The following CSTPP1 variants were observed in gnomAD, a reference collection of about 807,000 sequenced individuals.
CSTPP1 encodes the protein centriolar satellite-associated tubulin polyglutamylase complex regulator 1.
chr11:47,152,201 T>C, the CSTPP1 span, among the ~76,000 whole-genome samples: 1 of 151,232 alleles, frequency 6.6e-6, no homozygotes. Context: ...AGTGAGCCGA[T>C]CTGCACCACT....
chr11:47,113,655 G>T, the CSTPP1 span, among the ~76,000 whole-genome samples: 1 of 152,190 alleles, frequency 6.6e-6, no homozygotes, highest in Non-Finnish European at 1.5e-5. Context: ...CTTCTTTTGA[G>T]AAGTGTCTGT....
the CSTPP1 span, among the ~76,000 whole-genome samples, chr11:47,090,855 C>T: frequency 2.1e-4 from 31 of 151,206 alleles, no homozygotes; most frequent in South Asian, 4.2e-4. Flanking sequence ...CTGGCTAACA[C>T]GGTGAAACCC....
the CSTPP1 span, among the ~76,000 whole-genome samples, chr11:46,942,341 T>C: frequency 6.6e-6 from 1 of 152,144 alleles, no homozygotes; most frequent in African/African-American, 2.4e-5. Context: ...GTGTATCTGG[T>C]TGGGTGTGGC....
chr11:47,113,163 C>T, the CSTPP1 span, among the ~76,000 whole-genome samples: 1 of 152,316 alleles, frequency 6.6e-6, no homozygotes, highest in East Asian at 1.9e-4. Context: ...CTGCAAAGGA[C>T]ATGAACTCAT....
At chr11:46,955,999 C>A in the CSTPP1 span, among the ~76,000 whole-genome samples, 40 of 112,108 alleles carry the variant, frequency 3.6e-4, no homozygotes, top group South Asian at 1.5e-3. Flanking sequence ...CCCCCCCCCC[C>A]ACCAAAAAAA....
chr11:46,970,087 G>A, the CSTPP1 span, among the ~76,000 whole-genome samples: 16 of 152,094 alleles, frequency 1.1e-4, no homozygotes, highest in Admixed American at 5.2e-4. Context: ...ATATAAAACA[G>A]GCACAATTTA....
the CSTPP1 span, among the ~76,000 whole-genome samples, chr11:47,093,339 G>A: frequency 3.4e-4 from 52 of 152,268 alleles, no homozygotes; most frequent in African/African-American, 1.3e-3. Flanking sequence ...TGCTAAATTA[G>A]CTTTAGACTT....
the CSTPP1 span, among the ~76,000 whole-genome samples, chr11:47,149,529 G>T: frequency 6.6e-6 from 1 of 152,178 alleles, no homozygotes; most frequent in African/African-American, 2.4e-5. Flanking sequence ...GCAGGCAAAG[G>T]CAAAGAGGCA....
the CSTPP1 span, among the ~76,000 whole-genome samples, chr11:47,127,945 T>C: frequency 1.3e-3 from 195 of 152,148 alleles, no homozygotes; most frequent in Non-Finnish European, 1.9e-3. Flanking sequence ...GGTGTGATCT[T>C]GGCTCACTGC....
the CSTPP1 span, among the ~76,000 whole-genome samples, chr11:47,087,569 C>T: frequency 6.6e-6 from 1 of 152,026 alleles, no homozygotes; most frequent in Admixed American, 6.6e-5. Flanking sequence ...CATGGTGGTG[C>T]GGGCCTGTAA....
the CSTPP1 span, among the ~76,000 whole-genome samples, chr11:47,091,916 C>T: frequency 6.6e-6 from 1 of 152,168 alleles, no homozygotes; most frequent in Admixed American, 6.5e-5. Context: ...TGATTTTAGT[C>T]CCATAAGACT....
chr11:47,111,358 G>C, the CSTPP1 span, among the ~76,000 whole-genome samples: 4 of 152,084 alleles, frequency 2.6e-5, no homozygotes, highest in African/African-American at 9.7e-5. Flanking sequence ...GTTTTTCCCC[G>C]CTACGAGTGC....
the CSTPP1 span, among the ~76,000 whole-genome samples, chr11:47,109,513 C>T: frequency 6.6e-6 from 1 of 152,200 alleles, no homozygotes; most frequent in Non-Finnish European, 1.5e-5. Flanking sequence ...GGGTCAGATG[C>T]TTTGGATAAT....
At chr11:47,006,452 T>G in the CSTPP1 span, among the ~76,000 whole-genome samples, 2 of 152,212 alleles carry the variant, frequency 1.3e-5, no homozygotes, top group African/African-American at 4.8e-5. Context: ...CTAGTTTTGC[T>G]TTTCTTTATA....
chr11:46,938,308 A>G, the CSTPP1 span, among the ~76,000 whole-genome samples: 2 of 148,412 alleles, frequency 1.3e-5, no homozygotes, highest in African/African-American at 4.9e-5. Context: ...ATGGATAAAC[A>G]TATATATTTA....
At chr11:47,072,089 T>C in the CSTPP1 span, among the ~76,000 whole-genome samples, 2 of 152,330 alleles carry the variant, frequency 1.3e-5, no homozygotes, top group East Asian at 3.9e-4. Context: ...TCCTGGGAAG[T>C]CACTTCAAGA....
the CSTPP1 span, among the ~76,000 whole-genome samples, chr11:47,162,949 G>A: frequency 6.6e-6 from 1 of 152,160 alleles, no homozygotes; most frequent in African/African-American, 2.4e-5. Context: ...GGAGGCCAAG[G>A]TGGGCCAACT....
At chr11:46,941,877 TC>T in the CSTPP1 span, among the ~76,000 whole-genome samples, 2 of 152,194 alleles carry the variant, frequency 1.3e-5, no homozygotes, top group East Asian at 1.9e-4. Context: ...AAAGTTGAGT[TC>T]CCCTTGGTTA....
chr11:47,145,657 G>T, the CSTPP1 span, among the ~76,000 whole-genome samples: 2 of 152,022 alleles, frequency 1.3e-5, no homozygotes, highest in Admixed American at 1.3e-4. Flanking sequence ...TTTGAAATGA[G>T]GTCTTGTTCT....
Sources: allele counts gnomAD v4.1 joint callset (sites outside exome capture counted in the v4.1 genomes callset), GRCh38; gene constraint gnomAD v4.1.1; transcripts MANE v1.5; gene names NCBI Gene and HGNC (gene_info 2026-07-23, HGNC 2026-07-21).